ITGA2: variants seen among roughly 807,000 people sequenced by gnomAD.
ITGA2 encodes the protein integrin subunit alpha 2.
A neutral mutation model predicts 146.3 loss-of-function variants in ITGA2; 101 were observed. That is an observed-to-expected ratio of 0.69 (90% CI 0.59 to 0.81). ITGA2 has a LOEUF of 0.81. Ranked by LOEUF, ITGA2 falls within the 40% of genes least tolerant of loss-of-function variation. The pLI is 0.00. For synonymous variants in ITGA2, 477 were observed against 487.1 expected (o/e 0.98, Z 0.27); for missense variants, 1,281 against 1,402.7 (o/e 0.91, Z 1.39).
At chr5:53,074,988 A>C in intron 21 of ITGA2, 73 bp from the exon 22 acceptor site, 2 of 1,009,818 alleles carry the variant, frequency 2.0e-6, no homozygotes, top group Non-Finnish European at 3.1e-6. Context: ...CTTTTATGAG[A>C]AACATTTTTT....
At chr5:53,021,720 T>C (rs1742691589) in intron 1 of ITGA2, among the ~76,000 whole-genome samples, 1 of 152,234 alleles carries the variant, frequency 6.6e-6, no homozygotes, top group African/African-American at 2.4e-5. Flanking sequence ...CAGTTAGAGA[T>C]AGGCCTTACA....
intron 7 of ITGA2, 102 bp downstream of exon 7, chr5:53,051,661 C>A: frequency 8.6e-7 from 1 of 1,158,484 alleles, no homozygotes; most frequent in Non-Finnish European, 1.3e-6. Flanking sequence ...AAATAATATA[C>A]CTGGTACCTA....
At chr5:53,051,642 GAC>G in intron 7 of ITGA2, 83 bp downstream of exon 7, 3 of 1,404,378 alleles carry the variant, frequency 2.1e-6, no homozygotes, top group Non-Finnish European at 3.0e-6. Flanking sequence ...GTAAGGAAAA[GAC>G]AAAGAAAAAT....
chr5:53,049,667 T>A (rs1255095933), intron 6 of ITGA2, among the ~76,000 whole-genome samples: 2 of 152,184 alleles, frequency 1.3e-5, no homozygotes, highest in Non-Finnish European at 2.9e-5. Flanking sequence ...CTCAATAGTA[T>A]TATTTTAAAG....
At chr5:53,007,735 T>C (rs1741929724) in intron 1 of ITGA2, among the ~76,000 whole-genome samples, 1 of 151,950 alleles carries the variant, frequency 6.6e-6, no homozygotes, top group Non-Finnish European at 1.5e-5. Context: ...ATCTATTGAG[T>C]TGTTAAGAAG....
chr5:53,065,750 A>T (rs765111711), intron 14 of ITGA2, 91 bp from the exon 15 acceptor site: 1 of 1,503,782 alleles, frequency 6.6e-7, no homozygotes, highest in Non-Finnish European at 9.2e-7. Context: ...GGACATTACT[A>T]TATAGAAAAT....
chr5:53,052,113 A>C (rs1021991112), intron 7 of ITGA2, among the ~76,000 whole-genome samples: 1 of 151,936 alleles, frequency 6.6e-6, no homozygotes, highest in Admixed American at 6.6e-5. Context: ...ATTATACTTT[A>C]AGTTCTGGGA....
At chr5:53,019,005 A>C (rs1171434267) in intron 1 of ITGA2, among the ~76,000 whole-genome samples, 1 of 152,136 alleles carries the variant, frequency 6.6e-6, no homozygotes, top group Non-Finnish European at 1.5e-5. Flanking sequence ...CGGAGGTTGC[A>C]GTGAGCGGAG....
At chr5:52,992,661 G>A (rs1282443423) in intron 1 of ITGA2, among the ~76,000 whole-genome samples, 1 of 152,112 alleles carries the variant, frequency 6.6e-6, no homozygotes, top group East Asian at 1.9e-4. Context: ...ATGTCTGTAT[G>A]TAACTTTTAA....
chr5:53,003,057 A>G (rs1171701210), intron 1 of ITGA2, among the ~76,000 whole-genome samples: 1 of 152,218 alleles, frequency 6.6e-6, no homozygotes, highest in Non-Finnish European at 1.5e-5. Flanking sequence ...TGAAGTGACT[A>G]AAGACCATGA....
At chr5:53,081,361 A>G (rs1178001681) in intron 25 of ITGA2, among the ~76,000 whole-genome samples, 1 of 152,178 alleles carries the variant, frequency 6.6e-6, no homozygotes, top group Non-Finnish European at 1.5e-5. Context: ...TTGCCTCATC[A>G]TATGTGGGCT....
In ITGA2 at chr5:53,071,939, A is replaced by T; in HGVS notation, c.2237A>T (p.Glu746Val). ...ATGTTTGTGTGTGTGTATGTTTAGG[A>T]GCCCTCTGATGTTGTCAACTCTTTG... is the stretch of plus-strand genomic sequence containing the variant. ...SCPEHIIYIQEPSDVVNSLDL... is the reference protein window; with the variant it reads ...SCPEHIIYIQVPSDVVNSLDL... The change falls in exon 18 of 30, where the codon GAG becomes GTG. Residue 746 changes from glutamate (E) to valine (V), a missense_variant and splice_region_variant. By Grantham distance (121) the Glu-to-Val change is moderately radical. This residue lies in a region of ITGA2 where 475 missense variants were observed against 530.5 expected (regional missense o/e 0.90). Transcript: ENST00000296585. The T allele has an allele frequency of 2.5e-6, 4 of 1,610,272 alleles. No individual in the cohort carries two copies. The highest frequency in any genetic ancestry group is 3.4e-6 in the Non-Finnish European group (4 of 1,177,168).
chr5:53,042,318 A>G, intron 3 of ITGA2, 97 bp downstream of exon 3: 1 of 878,500 alleles, frequency 1.1e-6, no homozygotes, highest in South Asian at 1.3e-5. Context: ...AGAAATACAG[A>G]CAGCTTTTTT....
At chr5:53,037,188 C>A (rs930277619) in intron 2 of ITGA2, among the ~76,000 whole-genome samples, 1 of 152,174 alleles carries the variant, frequency 6.6e-6, no homozygotes, top group Non-Finnish European at 1.5e-5. Context: ...GGCAAATTGG[C>A]TGTGTTTTGA....
chr5:53,055,779 T>C (rs987261756), intron 8 of ITGA2, 91 bp downstream of exon 8: 3 of 1,450,762 alleles, frequency 2.1e-6, no homozygotes, highest in Non-Finnish European at 1.9e-6. Flanking sequence ...TCCCATTGGC[T>C]GTTCATAGTT....
rs3212431 is a variant in ITGA2 at position 53,041,100 on chromosome 5, T to G, written c.186-1012T>G. Among the ~76,000 whole-genome samples the G allele has an allele frequency of 8.6e-3, 1,212 of 141,254 alleles. 14 individuals carry two copies. The highest frequency in any genetic ancestry group is 0.027 in the African/African-American group (1,094 of 41,190). 92.7% of individuals were successfully genotyped at this position (141,254 alleles called of 152,430 possible). ...GAAATAATTTTAGTTTCTTTGATAT[T>G]TTAACCCTTCCCAATACTGACATGA... is the stretch of plus-strand genomic sequence containing the variant. On this transcript the variant is annotated intron_variant, in intron 2 of 29. Transcript: ENST00000296585.
intron 1 of ITGA2, among the ~76,000 whole-genome samples, chr5:53,007,866 C>T (rs190643122): frequency 2.6e-3 from 390 of 152,246 alleles, no homozygotes; most frequent in Non-Finnish European, 3.8e-3. Context: ...ACACATGCCA[C>T]AGTACTCCAG....
chr5:53,017,414 C>T (rs569077228), intron 1 of ITGA2, among the ~76,000 whole-genome samples: 28 of 152,314 alleles, frequency 1.8e-4, no homozygotes, highest in Non-Finnish European at 3.2e-4. Flanking sequence ...TGGGCCCCCC[C>T]GCTTTGTTCT....
At position 53,070,506 on chromosome 5, in the gene ITGA2, T is replaced by C. The variant is rs3212568; in HGVS notation, c.2235+246T>C. Among the ~76,000 whole-genome samples, 16,945 of 151,956 alleles carry C rather than the reference T, an allele frequency of 0.11. 1,145 individuals are homozygous for C. The highest frequency in any genetic ancestry group is 0.19 in the African/African-American group (7,700 of 41,484). On this transcript the variant is annotated intron_variant, in intron 17 of 29. Transcript: ENST00000296585. Reference sequence around the variant, plus strand: ...AATGAAAGGGCTAAAAATACAATTCTTAAAGAAATCATAGATACAGTGTTT... The same window carrying C: ...AATGAAAGGGCTAAAAATACAATTCCTAAAGAAATCATAGATACAGTGTTT...
Sources: gnomAD v4.1 joint callset for allele counts (sites outside exome capture counted in the v4.1 genomes callset) on GRCh38, gnomAD v4.1.1 for gene constraint, gnomAD v4.1.1 regional missense constraint, MANE v1.5 for transcripts, NCBI Gene and HGNC (gene_info 2026-07-23, HGNC 2026-07-21) for gene names.